DPP6: variants seen among roughly 807,000 people sequenced by gnomAD.
DPP6 encodes the protein A-type potassium channel modulatory protein DPP6.
DPP6 carries 69 observed loss-of-function variants against 122.6 expected under a neutral mutation model. The observed-to-expected ratio is 0.56, with a 90% confidence interval of 0.46 to 0.69. The LOEUF (loss-of-function observed/expected upper bound fraction) is 0.69. Ranked by LOEUF, DPP6 falls within the 30% of genes least tolerant of loss-of-function variation. DPP6 has a pLI of 0.00. For synonymous variants in DPP6, 418 were observed against 433.1 expected (o/e 0.97, Z 0.43); for missense variants, 928 against 1,116.9 (o/e 0.83, Z 2.41).
intron 1 of DPP6, among the ~76,000 whole-genome samples, chr7:153,895,211 T>C (rs1232097457): frequency 6.6e-6 from 1 of 152,112 alleles, no homozygotes; most frequent in Non-Finnish European, 1.5e-5. Flanking sequence ...CGAAAAGTTA[T>C]TACAAACCCA....
chr7:154,634,023 T>TA (rs1835568024), intron 5 of DPP6, among the ~76,000 whole-genome samples: 2 of 150,538 alleles, frequency 1.3e-5, no homozygotes, highest in African/African-American at 4.9e-5. Context: ...TTTTTTTTTT[T>TA]AATTATACTT....
chr7:154,555,457 C>G (rs372253759), intron 4 of DPP6, among the ~76,000 whole-genome samples: 85 of 151,416 alleles, frequency 5.6e-4, no homozygotes, highest in Middle Eastern at 6.8e-3. Flanking sequence ...CACACACCGG[C>G]GACTGTTGTG....
intron 5 of DPP6, among the ~76,000 whole-genome samples, chr7:154,615,297 G>A (rs1044942444): frequency 5.3e-5 from 8 of 152,104 alleles, no homozygotes; most frequent in African/African-American, 1.2e-4. Flanking sequence ...AGCCAATAAC[G>A]TGCAATTCCT....
At chr7:153,923,151 A>T (rs1800720632) in intron 1 of DPP6, among the ~76,000 whole-genome samples, 1 of 152,156 alleles carries the variant, frequency 6.6e-6, no homozygotes, top group African/African-American at 2.4e-5. Flanking sequence ...GGGAAAGAGG[A>T]ATAGAAGGAT....
intron 6 of DPP6, among the ~76,000 whole-genome samples, chr7:154,646,144 A>G (rs1269500855): frequency 6.6e-6 from 1 of 151,818 alleles, no homozygotes; most frequent in East Asian, 1.9e-4. Context: ...TAAATTTGGG[A>G]CAGAAAATAA....
intron 17 of DPP6, among the ~76,000 whole-genome samples, chr7:154,855,823 C>A (rs1802786470): frequency 6.6e-6 from 1 of 152,220 alleles, no homozygotes; most frequent in Non-Finnish European, 1.5e-5. Flanking sequence ...ACTGTGACAT[C>A]TTTTTTTTCC....
chr7:154,776,824 G>A (rs895126839), intron 10 of DPP6, among the ~76,000 whole-genome samples: 6 of 152,138 alleles, frequency 3.9e-5, no homozygotes, highest in South Asian at 2.1e-4. Flanking sequence ...AAGACACCTC[G>A]TCTGTGGAGG....
chr7:153,886,826 A>G (rs1490385807), upstream of DPP6, among the ~76,000 whole-genome samples: 1 of 152,120 alleles, frequency 6.6e-6, no homozygotes, highest in Non-Finnish European at 1.5e-5. Flanking sequence ...CGACGGGCAC[A>G]GCCGCGTCTG....
At chr7:153,824,013 C>T in the DPP6 span, among the ~76,000 whole-genome samples, 8 of 152,288 alleles carry the variant, frequency 5.3e-5, no homozygotes, top group South Asian at 1.0e-3. Context: ...TCAGGAGAAA[C>T]TCACGTGTCC....
chr7:153,863,949 A>G, the DPP6 span, among the ~76,000 whole-genome samples: 155 of 152,282 alleles, frequency 1.0e-3, no homozygotes, highest in Admixed American at 3.1e-3. Context: ...CACTGTATGG[A>G]TGTACCACAT....
At chr7:154,312,323 C>T (rs1263221149) in intron 1 of DPP6, among the ~76,000 whole-genome samples, 1 of 152,190 alleles carries the variant, frequency 6.6e-6, no homozygotes, top group Non-Finnish European at 1.5e-5. Context: ...TGCTGTGGGT[C>T]CCCTTTGATC....
At chr7:153,924,006 A>G (rs1424140793) in intron 1 of DPP6, among the ~76,000 whole-genome samples, 1 of 152,176 alleles carries the variant, frequency 6.6e-6, no homozygotes, top group Admixed American at 6.5e-5. Context: ...ATCCATGAAC[A>G]TACGTGTCTA....
rs113452591 is a variant in DPP6, at chr7:153,933,380, T to A, written c.51+45646T>A. 2.4e-3 allele frequency among the ~76,000 whole-genome samples: 371 copies of A among 152,316 alleles called. 4 individuals are homozygous for A. The highest frequency in any genetic ancestry group is 8.5e-3 in the African/African-American group (353 of 41,556). On this transcript the variant is annotated intron_variant, in intron 1 of 25. Coordinates refer to the DPP6 transcript ENST00000404039. ...GGCACTCCCAGGAAGGGAAGGACGC[T>A]CCCCTTTTGTTCTGTCCAATTTGGG...
intron 1 of DPP6, among the ~76,000 whole-genome samples, chr7:154,016,550 C>A (rs1014106881): frequency 6.6e-6 from 1 of 151,952 alleles, no homozygotes; most frequent in African/African-American, 2.4e-5. Context: ...ATTGCTTGAG[C>A]CCAGGAATTC....
chr7:154,210,669 A>G (rs1362317420), intron 1 of DPP6, among the ~76,000 whole-genome samples: 2 of 152,130 alleles, frequency 1.3e-5, no homozygotes, highest in Non-Finnish European at 2.9e-5. Flanking sequence ...CACCTGGACG[A>G]GCCCTGAGGG....
intron 1 of DPP6, among the ~76,000 whole-genome samples, chr7:153,890,715 CAG>C (rs1799156353): frequency 1.0e-5 from 1 of 98,896 alleles, no homozygotes; most frequent in Non-Finnish European, 1.8e-5. Context: ...TTTTTGGAGA[CAG>C]AGTCTCACTC....
the DPP6 span, among the ~76,000 whole-genome samples, chr7:153,812,821 C>G: frequency 1.3e-5 from 2 of 152,144 alleles, no homozygotes; most frequent in Admixed American, 6.5e-5. Context: ...ACAAATCGCC[C>G]TATGTAATCA....
chr7:154,155,621 C>T (rs1477493180), intron 1 of DPP6, among the ~76,000 whole-genome samples: 2 of 152,204 alleles, frequency 1.3e-5, no homozygotes, highest in African/African-American at 4.8e-5. Context: ...GCCAGGAGAA[C>T]AGTTCCTATG....
At chr7:154,803,076 G>A (rs762874111) in intron 13 of DPP6, among the ~76,000 whole-genome samples, 45 of 152,212 alleles carry the variant, frequency 3.0e-4, no homozygotes, top group Non-Finnish European at 5.4e-4. Context: ...CCTACACGCT[G>A]TCTGCGCCCC....
Sources: allele counts gnomAD v4.1 joint callset (sites outside exome capture counted in the v4.1 genomes callset), GRCh38; gene constraint gnomAD v4.1.1; transcripts MANE v1.5; gene names NCBI Gene and HGNC (gene_info 2026-07-23, HGNC 2026-07-21).